Variants in SLC25A47 observed in about 807,000 individuals in gnomAD.
SLC25A47 encodes HCC-down-regulated mitochondrial carrier protein.
SLC25A47 carries 30 observed loss-of-function variants against 29.8 expected under a neutral mutation model. The ratio of observed to expected loss-of-function variants is 1.01; its 90% CI spans 0.75 to 1.36. The LOEUF (loss-of-function observed/expected upper bound fraction) is 1.36. Among genes scored for constraint, SLC25A47 ranks in the 40% most tolerant of loss-of-function variants. The pLI is 0.00. For missense variants in SLC25A47, 430 were observed against 441.9 expected (o/e 0.97, Z 0.24); for synonymous variants, 204 against 197.8 (o/e 1.03, Z -0.26).
intron 4 of SLC25A47, 44 bp downstream of exon 4, chr14:100,327,414 C>G: frequency 6.5e-7 from 1 of 1,539,658 alleles, no homozygotes. Flanking sequence ...AGAGAGACTG[C>G]GGGGTCTGAG....
intron 3 of SLC25A47, 92 bp downstream of exon 3, chr14:100,326,320 G>A: frequency 8.6e-7 from 1 of 1,166,812 alleles, no homozygotes; most frequent in East Asian, 2.4e-5. Flanking sequence ...GCTCCCCGCT[G>A]GGTCTCAGCT....
rs1349824727 is a variant in SLC25A47, at chr14:100,329,608, A to G, written c.890A>G (p.Glu297Gly). The change falls in exon 6 of 6, where the codon GAG becomes GGG. Residue 297 changes from glutamate (E) to glycine (G), a missense_variant. By Grantham distance (98) the Glu-to-Gly change is moderately conservative (BLOSUM62 -2). Coordinates refer to ENST00000361529, the MANE Select transcript of SLC25A47 (RefSeq NM_207117.4). ...AACATGGTGGTCTTCGTCGCCTATG[A>G]GGCAGTGCTGAGGCTCGCCCGGGGT... ...PVNMVVFVAY[E>G]AVLRLARGLL... 1.2e-6 allele frequency: 2 copies of G among 1,613,490 alleles called. No homozygotes were observed. The highest frequency in any genetic ancestry group is 2.2e-5 in the South Asian group (2 of 91,074).
At chr14:100,327,090 G>T in intron 3 of SLC25A47, 98 bp from the exon 4 acceptor site, 1 of 1,214,682 alleles carries the variant, frequency 8.2e-7, no homozygotes, top group Middle Eastern at 2.1e-4. Context: ...CCTTCCCGAG[G>T]TCCGACAGCG....
chr14:100,323,996 G>A (rs1197426461), intron 1 of SLC25A47, among the ~76,000 whole-genome samples: 1 of 152,164 alleles, frequency 6.6e-6, no homozygotes, highest in African/African-American at 2.4e-5. Context: ...TCCTGGGGAA[G>A]GGCTCCTGGT....
chr14:100,325,849 C>T lies in SLC25A47; in HGVS notation c.72+18C>T. The T allele has an allele frequency of 6.2e-7, 1 of 1,609,514 alleles. No homozygotes were observed. The highest frequency in any genetic ancestry group is 8.5e-7 in the Non-Finnish European group (1 of 1,177,748). Reference sequence around the variant, plus strand: ...CGGTGAAGGTGCGGCAATAGCCAGCCCCCCAACCATCCTAAGGCCCCTGCA... The same window carrying T: ...CGGTGAAGGTGCGGCAATAGCCAGCTCCCCAACCATCCTAAGGCCCCTGCA... On this transcript the variant is annotated intron_variant, in intron 2 of 5. Transcript: ENST00000361529.
In SLC25A47 at chr14:100,328,618, G is replaced by C. The variant is rs1001931125; in HGVS notation, c.328-108G>C. The C allele has an allele frequency of 4.5e-5, 55 of 1,218,478 alleles. 1 individual carries two copies. Among genetic ancestry groups the C allele is most frequent in the Admixed American group, 1.9e-5 (1 of 52,252 alleles). The allele number at this position is 1,218,478 out of a possible 1,614,324, so 75.5% of individuals were successfully genotyped here. On this transcript the variant is annotated intron_variant, in intron 4 of 5. Transcript: ENST00000361529. ...CTGGGCCAGCCTGCAGGGTCTCGGG[G>C]CCCAACCTCCTGAGGTCACCGTGAG... is the stretch of plus-strand genomic sequence containing the variant.
chr14:100,323,547 C>A, intron 1 of SLC25A47, 105 bp downstream of exon 1: 2 of 1,326,232 alleles, frequency 1.5e-6, no homozygotes, highest in Admixed American at 1.8e-5. Flanking sequence ...CTTTGAGGAG[C>A]CCCTCACCCC....
chr14:100,328,791 G>T lies in SLC25A47; in HGVS notation c.393G>T (p.Lys131Asn). The change falls in exon 5 of 6, where the codon AAG (lysine) becomes AAT (asparagine). Residue 131 changes from lysine (K) to asparagine (N), a missense_variant. Coordinates refer to ENST00000361529, the MANE Select transcript of SLC25A47 (RefSeq NM_207117.4). The part of the protein sequence containing the change: ...VRLQTQTQAQ[K>N]QQRRLSASGP... ...TGCAGACGCAGACACAGGCGCAGAA[G>T]CAGCAGCGGCGGCTTTCGGCCTCGG... 6.2e-7 allele frequency: 1 copy of T among 1,612,994 alleles called. No individual in the cohort carries two copies. Among genetic ancestry groups the T allele is most frequent in the Non-Finnish European group, 8.5e-7 (1 of 1,179,940 alleles).
Position 100,329,494 on chromosome 14 carries a change from T to C in SLC25A47, c.776T>C (p.Leu259Pro). The stretch of plus-strand genomic sequence containing the variant: ...GGCCAGAGGCGCTACCGGGGTCTCC[T>C]GCACTGTATGGTGACCAGCGTTCGA... ...GQGQRRYRGLLHCMVTSVREE... is the reference protein window; with the variant it reads ...GQGQRRYRGLPHCMVTSVREE... The change falls in exon 6 of 6, where the codon CTG becomes CCG. Residue 259 changes from leucine (L) to proline (P), a missense_variant. Coordinates refer to ENST00000361529, the MANE Select transcript of SLC25A47 (RefSeq NM_207117.4). 2 of 1,613,438 alleles carry C rather than the reference T, an allele frequency of 1.2e-6. No individual in the cohort carries two copies. The highest frequency in any genetic ancestry group is 1.7e-5 in the Admixed American group (1 of 60,024).
At chr14:100,326,120 T>C in intron 2 of SLC25A47, 37 bp from the exon 3 acceptor site, 1 of 1,577,624 alleles carries the variant, frequency 6.3e-7, no homozygotes, top group Non-Finnish European at 8.7e-7. Flanking sequence ...GCCCTAGGCC[T>C]GGAGCCGCTC....
intron 2 of SLC25A47, 86 bp downstream of exon 2, chr14:100,325,917 C>T: frequency 7.0e-7 from 1 of 1,425,422 alleles, no homozygotes; most frequent in Non-Finnish European, 9.6e-7. Context: ...CTAAACAGAC[C>T]CACCCCTTTC....
chr14:100,326,264 G>C (rs1431762039), intron 3 of SLC25A47, 36 bp downstream of exon 3: 2 of 1,600,294 alleles, frequency 1.2e-6, no homozygotes, highest in Non-Finnish European at 1.7e-6. Context: ...AGGGAGACAG[G>C]GAGGGGATGC....
chr14:100,329,812 C>A lies in SLC25A47; in HGVS notation c.*167C>A. On this transcript the variant is annotated 3_prime_UTR_variant, in exon 6 of 6. Coordinates refer to ENST00000361529, the MANE Select transcript of SLC25A47 (RefSeq NM_207117.4). ...CGGCCGAGGCCTGAGCTCGCCCTGC[C>A]CAGCTACTGACCTCAGGTCGAGGGG... 1.0e-6 allele frequency: 1 copy of A among 972,026 alleles called. No homozygotes were observed. Among genetic ancestry groups the A allele is most frequent in the Non-Finnish European group, 1.5e-6 (1 of 674,606 alleles). The allele number at this position is 972,026 out of a possible 1,614,324, so 60.2% of individuals were successfully genotyped here.
chr14:100,325,063 A>G (rs958471933), intron 1 of SLC25A47, among the ~76,000 whole-genome samples: 1 of 152,122 alleles, frequency 6.6e-6, no homozygotes, highest in Admixed American at 6.5e-5. Flanking sequence ...CCATGTGCCT[A>G]TTTTCTTCCA....
rs138774462 is a variant in SLC25A47, at chr14:100,329,579, T to C, written c.861T>C (p.Pro287=). The C allele has an allele frequency of 5.8e-5, 93 of 1,613,576 alleles. No homozygotes were observed. Among genetic ancestry groups the C allele is most frequent in the Non-Finnish European group, 5.8e-5 (69 of 1,179,994 alleles). Residue 287 remains proline, a synonymous_variant, in exon 6 of 6, where the codon CCT becomes CCC. Coordinates refer to ENST00000361529, the MANE Select transcript of SLC25A47 (RefSeq NM_207117.4). The stretch of plus-strand genomic sequence containing the variant: ...TACTCAATTGCTGCCGCGCCTTCCC[T>C]GTCAACATGGTGGTCTTCGTCGCCT... ...GLVLNCCRAF[P]VNMVVFVAYE...
chr14:100,327,208 C>T lies in SLC25A47; in HGVS notation c.165C>T (p.Gly55=). The T allele has an allele frequency of 1.2e-6, 2 of 1,607,930 alleles. No individual in the cohort carries two copies. Among genetic ancestry groups the T allele is most frequent in the Middle Eastern group, 1.7e-4 (1 of 6,048 alleles). The change falls in exon 4 of 6, where the codon GGC becomes GGT. Residue 55 remains glycine, a synonymous_variant. Transcript: ENST00000361529. Reference sequence around the variant, plus strand: ...GCTAGGTGTGGGGCTTCTACCGGGGCCTCTCGCTGCCCGTGTGCACGGTGT... The same window carrying T: ...GCTAGGTGTGGGGCTTCTACCGGGGTCTCTCGCTGCCCGTGTGCACGGTGT... The part of the protein sequence containing the change: ...HRERVWGFYR[G]LSLPVCTVSL...
Position 100,327,699 on chromosome 14 carries a change from C to T in SLC25A47, c.327+329C>T, listed in dbSNP as rs1021198087. 3.3e-5 allele frequency among the ~76,000 whole-genome samples: 5 copies of T among 152,258 alleles called. No homozygotes were observed. In the South Asian group the frequency reaches 8.3e-4, roughly 25 times the overall value. ...GCTGAATAGGCAGGCCCCGGGCACT[C>T]ATGGCTCCAGGCACGGAGATGCCTG... On this transcript the variant is annotated intron_variant, in intron 4 of 5. Coordinates refer to ENST00000361529, the MANE Select transcript of SLC25A47 (RefSeq NM_207117.4).
At position 100,328,859 on chromosome 14, in the gene SLC25A47, G is replaced by A; in HGVS notation, c.461G>A (p.Cys154Tyr). Residue 154 changes from cysteine to tyrosine, a missense_variant, in exon 5 of 6, where the codon TGC (cysteine) becomes TAC (tyrosine). Cys to Tyr is a radical substitution (Grantham distance 194, BLOSUM62 -2). Transcript: ENST00000361529. The stretch of plus-strand genomic sequence containing the variant: ...CCCATGTGTCCTGTGCCCCCAGCCT[G>A]CCCAGAGCCCAAGTACCGCGGGCCA... ...VPPMCPVPPA[C>Y]PEPKYRGPLH... 6.2e-7 allele frequency: 1 copy of A among 1,612,330 alleles called. No homozygotes were observed. The highest frequency in any genetic ancestry group is 1.1e-5 in the South Asian group (1 of 91,066).
Position 100,330,167 on chromosome 14 carries a change from T to G in SLC25A47, c.*522T>G. 6.3e-6 allele frequency: 1 copy of G among 159,722 alleles called. No individual in the cohort carries two copies. The highest frequency in any genetic ancestry group is 1.4e-5 in the Non-Finnish European group (1 of 72,062). 9.9% of individuals were successfully genotyped at this position (159,722 alleles called of 1,614,324 possible). A position where few individuals can be genotyped will look rare whatever the true frequency, so the allele number is the denominator to read the frequency against. ...GACTGAGGGCTCCCGGCTCGGCTTC[T>G]TCCCCACAGCAGGCTGCTCAGAGGG... On this transcript the variant is annotated 3_prime_UTR_variant, in exon 6 of 6. Transcript: ENST00000361529.
Sources: gnomAD v4.1 joint callset for allele counts (sites outside exome capture counted in the v4.1 genomes callset) on GRCh38, gnomAD v4.1.1 for gene constraint, MANE v1.5 for transcripts, NCBI Gene and HGNC (gene_info 2026-07-23, HGNC 2026-07-21) for gene names.